ASTN2: variants seen among roughly 807,000 people sequenced by gnomAD.
ASTN2 encodes the protein astrotactin-2.
ASTN2 carries 54 observed loss-of-function variants against 139.8 expected under a neutral mutation model. The observed-to-expected ratio is 0.39, with a 90% confidence interval of 0.31 to 0.48. ASTN2 has a LOEUF of 0.48. Among genes scored for constraint, ASTN2 ranks in the 20% least tolerant of loss-of-function variants. ASTN2 has a pLI of 0.95. For synonymous variants in ASTN2, 756 were observed against 719.5 expected (o/e 1.05, Z -0.81); for missense variants, 1,565 against 1,725.1 (o/e 0.91, Z 1.64).
intron 16 of ASTN2, among the ~76,000 whole-genome samples, chr9:116,701,842 C>G (rs1827821052): frequency 6.6e-6 from 1 of 151,022 alleles, no homozygotes; most frequent in Non-Finnish European, 1.5e-5. Context: ...GACTAGGGCC[C>G]CAAGAAACTA....
chr9:116,929,820 T>A (rs931270612), intron 10 of ASTN2, among the ~76,000 whole-genome samples: 1 of 152,222 alleles, frequency 6.6e-6, no homozygotes, highest in Non-Finnish European at 1.5e-5. Flanking sequence ...TTTGAAGGAA[T>A]AGTCTTTCCA....
chr9:116,972,842 C>T (rs1192975098), intron 10 of ASTN2, among the ~76,000 whole-genome samples: 1 of 152,166 alleles, frequency 6.6e-6, no homozygotes, highest in Non-Finnish European at 1.5e-5. Flanking sequence ...TAATGCTTAC[C>T]TTCCGTTTCC....
chr9:117,314,744 G>A (rs991840885), intron 1 of ASTN2, among the ~76,000 whole-genome samples: 3 of 143,812 alleles, frequency 2.1e-5, no homozygotes, highest in Admixed American at 7.0e-5. Flanking sequence ...ATATAGTAAT[G>A]TAATATAATT....
chr9:116,695,524 G>A (rs1211225470), intron 16 of ASTN2, among the ~76,000 whole-genome samples: 4 of 152,318 alleles, frequency 2.6e-5, no homozygotes, highest in Middle Eastern at 3.4e-3. Context: ...TCTATGCCTG[G>A]AGAAAGAGTT....
chr9:116,981,809 A>T (rs945214378), intron 7 of ASTN2, among the ~76,000 whole-genome samples: 1 of 152,194 alleles, frequency 6.6e-6, no homozygotes, highest in Non-Finnish European at 1.5e-5. Flanking sequence ...ACATACATGT[A>T]TATGTTGTTA....
chr9:117,271,734 C>A (rs992659046), intron 2 of ASTN2, among the ~76,000 whole-genome samples: 1 of 152,172 alleles, frequency 6.6e-6, no homozygotes, highest in Non-Finnish European at 1.5e-5. Flanking sequence ...TCCAGCAGGG[C>A]AGTCAAATTT....
intron 2 of ASTN2, among the ~76,000 whole-genome samples, chr9:117,285,966 A>G (rs1434463986): frequency 6.6e-6 from 1 of 152,018 alleles, no homozygotes; most frequent in Admixed American, 6.6e-5. Context: ...CAAAGACAAA[A>G]GGGAAAAAAC....
chr9:116,901,945 A>G (rs1025438393), intron 10 of ASTN2, among the ~76,000 whole-genome samples: 4 of 152,204 alleles, frequency 2.6e-5, no homozygotes, highest in African/African-American at 7.2e-5. Context: ...GAATTACTTG[A>G]ACCCGGGAGG....
chr9:117,090,375 C>G (rs1828675932), intron 5 of ASTN2, among the ~76,000 whole-genome samples: 1 of 152,166 alleles, frequency 6.6e-6, no homozygotes, highest in East Asian at 1.9e-4. Context: ...TCCTTCCACT[C>G]TCCATATTGA....
chr9:116,675,239 G>T (rs1045016973), intron 16 of ASTN2, among the ~76,000 whole-genome samples: 17 of 152,120 alleles, frequency 1.1e-4, no homozygotes, highest in Admixed American at 9.8e-4. Flanking sequence ...AAATAATCCT[G>T]GGGAGATATC....
intron 1 of ASTN2, among the ~76,000 whole-genome samples, chr9:117,352,298 C>T (rs1004903241): frequency 2.6e-5 from 4 of 152,166 alleles, no homozygotes; most frequent in South Asian, 4.1e-4. Flanking sequence ...GCTGTACTTT[C>T]CCTGAGAGCA....
intron 20 of ASTN2, among the ~76,000 whole-genome samples, chr9:116,475,497 T>G (rs1206117271): frequency 6.6e-6 from 1 of 152,138 alleles, no homozygotes; most frequent in Admixed American, 6.5e-5. Flanking sequence ...AAAATCAATC[T>G]GCCTTATAGC....
intron 7 of ASTN2, among the ~76,000 whole-genome samples, chr9:117,005,576 C>A (rs898732321): frequency 4.6e-5 from 7 of 152,148 alleles, no homozygotes; most frequent in Admixed American, 4.6e-4. Flanking sequence ...GACCACCACA[C>A]CAAAATGGCC....
chr9:117,084,533 C>T (rs1228167362), intron 5 of ASTN2, among the ~76,000 whole-genome samples: 2 of 152,242 alleles, frequency 1.3e-5, no homozygotes, highest in African/African-American at 4.8e-5. Context: ...GAAGAAGCTA[C>T]TCTGTTTAGT....
intron 1 of ASTN2, among the ~76,000 whole-genome samples, chr9:117,371,659 G>T (rs774573358): frequency 1.1e-4 from 16 of 152,130 alleles, no homozygotes; most frequent in Non-Finnish European, 2.2e-4. Flanking sequence ...ATCTCATAGG[G>T]TTGTCGTGAG....
Position 116,863,604 on chromosome 9 carries a change from C to G in ASTN2, c.2019G>C (p.Gln673His). The stretch of plus-strand genomic sequence containing the variant: ...TTACCACACATCCCGAGGAATCCAC[C>G]TGCCGGTCAGACACACACTTGAAGT... ...TRNFKCVSDRQVDSSGCVCPE... is the reference protein window; with the variant it reads ...TRNFKCVSDRHVDSSGCVCPE... Residue 673 changes from glutamine (Q) to histidine (H), a missense_variant, in exon 11 of 23, where the codon CAG becomes CAC. Around this residue, in one of 4 missense-constraint regions of ASTN2, gnomAD observed 503 missense variants for 591.7 expected, o/e 0.85. Coordinates refer to ENST00000313400, the MANE Select transcript of ASTN2 (RefSeq NM_001365068.1). 6.2e-7 allele frequency: 1 copy of G among 1,614,164 alleles called. No homozygotes were observed.
At chr9:116,581,428 T>C (rs543563494) in intron 19 of ASTN2, among the ~76,000 whole-genome samples, 58 of 152,338 alleles carry the variant, frequency 3.8e-4, no homozygotes, top group African/African-American at 1.2e-3. Context: ...CATTCTATCA[T>C]GTTGCTCCTG....
At chr9:116,536,075 A>C (rs969177973) in intron 19 of ASTN2, among the ~76,000 whole-genome samples, 2 of 151,658 alleles carry the variant, frequency 1.3e-5, no homozygotes, top group Non-Finnish European at 2.9e-5. Context: ...TCTTTTCTCT[A>C]AACTTCTCTT....
intron 3 of ASTN2, among the ~76,000 whole-genome samples, chr9:117,188,884 G>A (rs992601020): frequency 2.0e-5 from 3 of 152,062 alleles, no homozygotes; most frequent in Non-Finnish European, 2.9e-5. Context: ...CAGGCAGGTC[G>A]GTGGCCTCTC....
Sources: gnomAD v4.1 joint callset for allele counts (sites outside exome capture counted in the v4.1 genomes callset) on GRCh38, gnomAD v4.1.1 for gene constraint, gnomAD v4.1.1 regional missense constraint, MANE v1.5 for transcripts, NCBI Gene and HGNC (gene_info 2026-07-23, HGNC 2026-07-21) for gene names.